The following ADGRL3 variants were observed in gnomAD, a reference collection of about 807,000 sequenced individuals.
ADGRL3 encodes adhesion G protein-coupled receptor L3, also known as calcium-independent alpha-latrotoxin receptor 3.
ADGRL3 carries 62 observed loss-of-function variants against 153.5 expected under a neutral mutation model. The ratio of observed to expected loss-of-function variants is 0.40; its 90% confidence interval spans 0.33 to 0.50. The LOEUF is 0.50. Ranked by LOEUF, ADGRL3 falls within the 20% of genes least tolerant of loss-of-function variation. The pLI is 0.47. For synonymous variants in ADGRL3, 710 were observed against 672.5 expected (o/e 1.06, Z -0.86); for missense variants, 1,641 against 1,859.4 (o/e 0.88, Z 2.16).
At chr4:61,668,804 G>C (rs2094892772) in intron 5 of ADGRL3, among the ~76,000 whole-genome samples, 1 of 152,144 alleles carries the variant, frequency 6.6e-6, no homozygotes, top group African/African-American at 2.4e-5. Flanking sequence ...GATTGCTTGA[G>C]CCCAGGAGTT....
intron 1 of ADGRL3, among the ~76,000 whole-genome samples, chr4:61,207,162 C>A (rs1471314215): frequency 6.6e-6 from 1 of 151,992 alleles, no homozygotes; most frequent in Non-Finnish European, 1.5e-5. Flanking sequence ...AACCCATCAT[C>A]TACATTAGGT....
intron 9 of ADGRL3, among the ~76,000 whole-genome samples, chr4:61,825,080 A>AATT (rs2097788826): frequency 6.6e-6 from 1 of 152,192 alleles, no homozygotes; most frequent in Non-Finnish European, 1.5e-5. Flanking sequence ...TGCTAGTGAT[A>AATT]GCTCTGGGTC....
intron 1 of ADGRL3, among the ~76,000 whole-genome samples, chr4:61,240,436 T>C (rs2149315583): frequency 6.6e-6 from 1 of 152,254 alleles, no homozygotes; most frequent in East Asian, 1.9e-4. Flanking sequence ...AAGATTTCAT[T>C]GTCTGCCCAT....
At chr4:61,428,852 T>TA (rs1003424803) in intron 2 of ADGRL3, among the ~76,000 whole-genome samples, 7 of 110,762 alleles carry the variant, frequency 6.3e-5, no homozygotes, top group African/African-American at 2.0e-4. Flanking sequence ...TCTATCTATC[T>TA]ATCTATCTAT....
At chr4:61,684,370 G>A (rs546851671) in intron 6 of ADGRL3, among the ~76,000 whole-genome samples, 1 of 152,218 alleles carries the variant, frequency 6.6e-6, no homozygotes, top group African/African-American at 2.4e-5. Context: ...GAAAAAGTAA[G>A]AGTCAGTGAT....
intron 4 of ADGRL3, among the ~76,000 whole-genome samples, chr4:61,522,245 A>G (rs185753897): frequency 3.9e-5 from 6 of 152,250 alleles, no homozygotes; most frequent in Non-Finnish European, 7.4e-5. Context: ...TCTCATTAAT[A>G]ATGTAACATA....
chr4:61,797,218 A>G (rs2097425628), intron 8 of ADGRL3, among the ~76,000 whole-genome samples: 1 of 152,306 alleles, frequency 6.6e-6, no homozygotes, highest in Non-Finnish European at 1.5e-5. Flanking sequence ...ACATAGGAAA[A>G]TCAGAGTTTT....
chr4:61,705,535 T>G (rs2151380290), intron 6 of ADGRL3, among the ~76,000 whole-genome samples: 1 of 151,236 alleles, frequency 6.6e-6, no homozygotes, highest in South Asian at 2.1e-4. Context: ...TCTTGCTCTG[T>G]TGCCAAGGCT....
chr4:62,057,098 A>AG (rs1440445370), intron 25 of ADGRL3, among the ~76,000 whole-genome samples: 2 of 152,138 alleles, frequency 1.3e-5, no homozygotes. Flanking sequence ...TACTTTTGTT[A>AG]GCCTGCTGTC....
chr4:61,507,252 C>G (rs1463044907), intron 3 of ADGRL3, among the ~76,000 whole-genome samples: 1 of 152,138 alleles, frequency 6.6e-6, no homozygotes, highest in African/African-American at 2.4e-5. Flanking sequence ...GTATGATGCT[C>G]TCCCTCCAGG....
At chr4:61,912,829 G>A in intron 13 of ADGRL3, 72 bp downstream of exon 13, 1 of 1,357,018 alleles carries the variant, frequency 7.4e-7, no homozygotes, top group Admixed American at 1.7e-5. Context: ...ATGGACACCT[G>A]ATAGAAAAAT....
chr4:61,310,533 A>C (rs1017348906), intron 1 of ADGRL3, among the ~76,000 whole-genome samples: 2 of 152,132 alleles, frequency 1.3e-5, no homozygotes, highest in African/African-American at 4.8e-5. Flanking sequence ...ATTATATCCT[A>C]TGCTTTGGTG....
chr4:61,906,919 C>A (rs977241358), intron 11 of ADGRL3, among the ~76,000 whole-genome samples: 5 of 152,098 alleles, frequency 3.3e-5, no homozygotes, highest in Admixed American at 3.3e-4. Context: ...CCCCTTTGAG[C>A]TTTCTGAATA....
chr4:61,888,524 C>T (rs879392818), intron 9 of ADGRL3, among the ~76,000 whole-genome samples: 1 of 152,206 alleles, frequency 6.6e-6, no homozygotes, highest in Non-Finnish European at 1.5e-5. Context: ...GACAGCATGT[C>T]TATCACTAGT....
intron 1 of ADGRL3, among the ~76,000 whole-genome samples, chr4:61,251,310 A>G (rs2149442699): frequency 6.6e-6 from 1 of 152,292 alleles, no homozygotes; most frequent in Admixed American, 6.5e-5. Flanking sequence ...TAGAGAACCT[A>G]CACATGGCCT....
At chr4:61,960,381 C>G (rs1490260156) in intron 17 of ADGRL3, among the ~76,000 whole-genome samples, 1 of 152,034 alleles carries the variant, frequency 6.6e-6, no homozygotes, top group Non-Finnish European at 1.5e-5. Context: ...GTTTGAGGAG[C>G]TGCAAGGAGA....
chr4:61,856,595 TCTCTCTC>T (rs2098268709), intron 9 of ADGRL3, among the ~76,000 whole-genome samples: 1 of 58,720 alleles, frequency 1.7e-5, no homozygotes, highest in Non-Finnish European at 4.5e-5. Context: ...TTTCTCTCTC[TCTCTCTC>T]TCTTTTTTTT....
intron 1 of ADGRL3, among the ~76,000 whole-genome samples, chr4:61,307,607 CA>C (rs1186195631): frequency 1.3e-5 from 2 of 151,864 alleles, no homozygotes; most frequent in African/African-American, 4.8e-5. Flanking sequence ...TTGTGAATTG[CA>C]AATATCAGCT....
chr4:61,902,006 A>T (rs1396823179), intron 11 of ADGRL3, among the ~76,000 whole-genome samples: 2 of 152,200 alleles, frequency 1.3e-5, no homozygotes, highest in Non-Finnish European at 2.9e-5. Context: ...AGCCCTGCCT[A>T]TGTGCACAGA....
Sources: gnomAD v4.1 joint callset for allele counts (sites outside exome capture counted in the v4.1 genomes callset) on GRCh38, gnomAD v4.1.1 for gene constraint, MANE v1.5 for transcripts, NCBI Gene and HGNC (gene_info 2026-07-23, HGNC 2026-07-21) for gene names.